UBE2O: variants seen among roughly 807,000 people sequenced by gnomAD.
The protein encoded by UBE2O is (E3-independent) E2 ubiquitin-conjugating enzyme.
A neutral mutation model predicts 125.8 loss-of-function variants in UBE2O; 15 were observed. The ratio of observed to expected loss-of-function variants is 0.12; its 90% CI spans 0.08 to 0.18. The LOEUF is 0.18. UBE2O is among the 10% of genes least tolerant of loss of function. UBE2O has a pLI of 1.00. For missense variants in UBE2O, 1,280 were observed against 1,723.6 expected (o/e 0.74, Z 4.56); for synonymous variants, 708 against 703.2 (o/e 1.01, Z -0.11).
rs1449183784 is a variant in UBE2O at position 76,405,365 on chromosome 17, C to T, written c.478-49G>A. The T allele has an allele frequency of 5.1e-6, 8 of 1,557,250 alleles. No individual in the cohort carries two copies. The highest frequency in any genetic ancestry group is 7.0e-6 in the Non-Finnish European group (8 of 1,136,076). The stretch of plus-strand genomic sequence containing the variant: ...AGTCCCGTGGTGCAGCAGCCCTGGT[C>T]ACCAGGGGAGACCCAGCCCAGGCAA... On this transcript the variant is annotated intron_variant, in intron 2 of 17. Coordinates refer to ENST00000319380, the MANE Select transcript of UBE2O (RefSeq NM_022066.4). This position sits in a 1 kb window ranked among gnomAD's most constrained non-coding sequence, Gnocchi z 6.1.
intron 15 of UBE2O, among the ~76,000 whole-genome samples, chr17:76,392,649 CA>C (rs2072132927): frequency 6.6e-6 from 1 of 151,602 alleles, no homozygotes; most frequent in Non-Finnish European, 1.5e-5. Context: ...CCTCATAAAT[CA>C]TTACTTTAAG....
Position 76,404,780 on chromosome 17 carries a change from G to C in UBE2O, c.588+426C>G, listed in dbSNP as rs987578884. On this transcript the variant is annotated intron_variant, in intron 3 of 17. Coordinates refer to ENST00000319380, the MANE Select transcript of UBE2O (RefSeq NM_022066.4). The surrounding 1 kb of genome is among the most constrained non-coding windows in gnomAD (Gnocchi z 4.3). ...AGAAAAAAGACCGGAGGGGGATCTC[G>C]GGGAAAAGGAGGGAGGGAAGGTGAT... is the stretch of plus-strand genomic sequence containing the variant. Among the ~76,000 whole-genome samples, 3 of 152,014 alleles carry C rather than the reference G, an allele frequency of 2.0e-5. No individual in the cohort carries two copies. The highest frequency in any genetic ancestry group is 4.8e-5 in the African/African-American group (2 of 41,328).
In UBE2O at chr17:76,399,031, C is replaced by A; in HGVS notation, c.1629-40G>T. The A allele has an allele frequency of 3.1e-6, 5 of 1,604,430 alleles. No individual in the cohort carries two copies. Among genetic ancestry groups the A allele is most frequent in the Non-Finnish European group, 4.3e-6 (5 of 1,175,910 alleles). The stretch of plus-strand genomic sequence containing the variant: ...CAGTCAGCAGGCCATGCAAACCCCA[C>A]CCCCTCCGCGGAAAGGGCAGAGAGT... On this transcript the variant is annotated intron_variant, in intron 9 of 17. Transcript: ENST00000319380. The surrounding 1 kb of genome is among the most constrained non-coding windows in gnomAD (Gnocchi z 6.9).
rs200328484 is a variant in UBE2O at position 76,391,461 on chromosome 17, C to T, written c.3361G>A (p.Glu1121Lys). ...SMTQLVRRPP[E>K]VFEQEIRQHF... is the part of the protein sequence containing the mutation. Reference sequence around the variant, plus strand: ...TGCCTGATCTCCTGCTCAAAGACCTCGGGGGGCCGCCGCACCAGCTGGGTC... The same window carrying T: ...TGCCTGATCTCCTGCTCAAAGACCTTGGGGGGCCGCCGCACCAGCTGGGTC... Residue 1121 changes from glutamate (E) to lysine (K), a missense_variant, in exon 18 of 18, where the codon GAG (glutamate) becomes AAG (lysine). Around this residue, in one of 10 missense-constraint regions of UBE2O, gnomAD observed 233 missense variants for 279.0 expected, o/e 0.84. Transcript: ENST00000319380. This position sits in a 1 kb window ranked among gnomAD's most constrained non-coding sequence, Gnocchi z 8.4. 152 of 1,613,652 alleles carry T rather than the reference C, an allele frequency of 9.4e-5. No homozygotes were observed. The highest frequency in any genetic ancestry group is 2.2e-4 in the South Asian group (20 of 91,092).
At chr17:76,439,949 T>C (rs2143887110) in intron 1 of UBE2O, among the ~76,000 whole-genome samples, 1 of 152,324 alleles carries the variant, frequency 6.6e-6, no homozygotes, top group Middle Eastern at 3.4e-3. Context: ...TTCGCATGTG[T>C]GCAATCTGCC....
chr17:76,416,206 GTGTATATGTA>G (rs1013135199), intron 1 of UBE2O, among the ~76,000 whole-genome samples: 2 of 150,914 alleles, frequency 1.3e-5, no homozygotes, highest in African/African-American at 4.9e-5. Flanking sequence ...GTATATGTGT[GTGTATATGTA>G]TGTATATGTA....
At chr17:76,409,248 G>A (rs1478312308) in intron 1 of UBE2O, among the ~76,000 whole-genome samples, 3 of 152,152 alleles carry the variant, frequency 2.0e-5, no homozygotes, top group East Asian at 3.9e-4. Context: ...GATTACAGGC[G>A]TGAGCCACCG....
rs559458632 is a variant in UBE2O, at chr17:76,434,470, A to G, written c.417+18255T>C. 2.0e-5 allele frequency among the ~76,000 whole-genome samples: 3 copies of G among 152,326 alleles called. No individual in the cohort carries two copies. The South Asian group carries it at 6.2e-4, about 32-fold the overall frequency. ...CCTGGAAACTGTAAAGGACACGCCA[A>G]TAGTCCTGCCATGAACTGTGTTACC... On this transcript the variant is annotated intron_variant, in intron 1 of 17. Coordinates refer to ENST00000319380, the MANE Select transcript of UBE2O (RefSeq NM_022066.4).
Position 76,452,067 on chromosome 17 carries a change from T to A in UBE2O, c.417+658A>T, listed in dbSNP as rs1315831418. ...GGAGTCCATATGCACTTAGGAGTCA[T>A]CAATCCCGGTCGCAGCTGTCAGAAT... On this transcript the variant is annotated intron_variant, in intron 1 of 17. Transcript: ENST00000319380. This position sits in a 1 kb window ranked among gnomAD's most constrained non-coding sequence, Gnocchi z 4.4. 6.6e-6 allele frequency among the ~76,000 whole-genome samples: 1 copy of A among 152,024 alleles called. No individual in the cohort carries two copies. The highest frequency in any genetic ancestry group is 1.5e-5 in the Non-Finnish European group (1 of 68,002).
At position 76,424,933 on chromosome 17, in the gene UBE2O, C is replaced by T. The variant is rs561255160; in HGVS notation, c.418-19361G>A. 1.7e-3 allele frequency among the ~76,000 whole-genome samples: 250 copies of T among 149,854 alleles called. 1 individual carries two copies. The highest frequency in any genetic ancestry group is 5.8e-3 in the African/African-American group (238 of 40,706). On this transcript the variant is annotated intron_variant, in intron 1 of 17. Coordinates refer to ENST00000319380, the MANE Select transcript of UBE2O (RefSeq NM_022066.4). ...TCACCCAGGCTGGAGTGCAGTGGCG[C>T]GATCTCAGCTCACTGCAAGCTCCGC...
chr17:76,400,429 G>A lies in UBE2O; in HGVS notation c.1004+12C>T, dbSNP rs761132235. Reference sequence around the variant, plus strand: ...CGTGCCCCTGGGTTGCTGGCAGTAAGGGCATGCTTACCTGCCTAGGTTTTC... The same window carrying A: ...CGTGCCCCTGGGTTGCTGGCAGTAAAGGCATGCTTACCTGCCTAGGTTTTC... On this transcript the variant is annotated intron_variant, in intron 7 of 17. Transcript: ENST00000319380. This position sits in a 1 kb window ranked among gnomAD's most constrained non-coding sequence, Gnocchi z 4.3. 1 of 1,606,664 alleles carries A rather than the reference G, an allele frequency of 6.2e-7. No homozygotes were observed. Among genetic ancestry groups the A allele is most frequent in the Admixed American group, 1.7e-5 (1 of 59,586 alleles).
rs771187543 is a variant in UBE2O at position 76,391,151 on chromosome 17, G to C, written c.3671C>G (p.Pro1224Arg). The change falls in exon 18 of 18, where the codon CCA (proline) becomes CGA (arginine). Residue 1224 changes from proline (P) to arginine (R), a missense_variant. Transcript: ENST00000319380. This position sits in a 1 kb window ranked among gnomAD's most constrained non-coding sequence, Gnocchi z 8.4. ...DHTDQTSETA[P>R]DASVPPSVKP... ...CACACTGGGTGGCACCGATGCGTCT[G>C]GTGCGGTCTCCGAAGTCTGGTCTGT... is the stretch of plus-strand genomic sequence containing the variant. The C allele has an allele frequency of 3.1e-6, 5 of 1,613,864 alleles. No individual in the cohort carries two copies. Among genetic ancestry groups the C allele is most frequent in the Non-Finnish European group, 4.2e-6 (5 of 1,179,880 alleles).
At chr17:76,436,152 C>T (rs551752149) in intron 1 of UBE2O, among the ~76,000 whole-genome samples, 18 of 152,250 alleles carry the variant, frequency 1.2e-4, no homozygotes, top group African/African-American at 4.3e-4. Flanking sequence ...GAGGCTGAGG[C>T]AGGAGAATTG....
rs2072114646 is a variant in UBE2O, at chr17:76,391,560, G to C, written c.3262C>G (p.Arg1088Gly). 1 of 1,614,140 alleles carries C rather than the reference G, an allele frequency of 6.2e-7. No individual in the cohort carries two copies. Among genetic ancestry groups the C allele is most frequent in the Admixed American group, 1.7e-5 (1 of 60,034 alleles). ...YYNEAGFDSD[R>G]GLQEGYENSR... ...TTTTCATAGCCTTCCTGCAGGCCTC[G>C]GTCACTGTCGAAGCCGGCTTCGTTG... The change falls in exon 18 of 18, where the codon CGA becomes GGA. Residue 1088 changes from arginine to glycine, a missense_variant. By Grantham distance (125) the Arg-to-Gly change is moderately radical. Around this residue, in one of 10 missense-constraint regions of UBE2O, gnomAD observed 233 missense variants for 279.0 expected, o/e 0.84. Coordinates refer to ENST00000319380, the MANE Select transcript of UBE2O (RefSeq NM_022066.4). This position sits in a 1 kb window ranked among gnomAD's most constrained non-coding sequence, Gnocchi z 8.4.
chr17:76,426,918 T>A (rs1402939638), intron 1 of UBE2O, among the ~76,000 whole-genome samples: 1 of 152,214 alleles, frequency 6.6e-6, no homozygotes, highest in African/African-American at 2.4e-5. Context: ...TACAACTTTT[T>A]TTTTTTTCTG....
chr17:76,441,311 G>A (rs2073072781), intron 1 of UBE2O, among the ~76,000 whole-genome samples: 3 of 152,202 alleles, frequency 2.0e-5, no homozygotes, highest in Admixed American at 1.3e-4. Flanking sequence ...AAAATGAAAT[G>A]AAATCAAATG....
Position 76,401,020 on chromosome 17 carries a change from C to T in UBE2O, c.885G>A (p.Val295=). 1 of 1,613,836 alleles carries T rather than the reference C, an allele frequency of 6.2e-7. No individual in the cohort carries two copies. Among genetic ancestry groups the T allele is most frequent in the Middle Eastern group, 1.7e-4 (1 of 6,048 alleles). ...TTGGGCCCGGACCCACCTCTTCCAC[C>T]ACCACTCGGAACTTGCTCTTGGTGC... is the stretch of plus-strand genomic sequence containing the variant. ...VLSTKSKFRV[V]VEEVQVVELK... The change falls in exon 6 of 18, where the codon GTG becomes GTA. Residue 295 remains valine, a synonymous_variant. Transcript: ENST00000319380.
chr17:76,447,449 G>C (rs924767399), intron 1 of UBE2O, among the ~76,000 whole-genome samples: 1 of 152,120 alleles, frequency 6.6e-6, no homozygotes, highest in Admixed American at 6.5e-5. Context: ...CCTGGATCAT[G>C]ACTGCTCTTA....
intron 1 of UBE2O, among the ~76,000 whole-genome samples, chr17:76,415,797 GT>G (rs2072592044): frequency 2.4e-5 from 2 of 85,014 alleles, no homozygotes; most frequent in Middle Eastern, 7.8e-3. Context: ...GAGCAAGACT[GT>G]GTGTGTGTGT....
Sources: allele counts gnomAD v4.1 joint callset (sites outside exome capture counted in the v4.1 genomes callset), GRCh38; gene constraint gnomAD v4.1.1; regional missense constraint gnomAD v4.1.1; non-coding constraint Gnocchi (gnomAD v3.1); transcripts MANE v1.5; gene names NCBI Gene and HGNC (gene_info 2026-07-23, HGNC 2026-07-21).